ANAPC10: variants seen among roughly 807,000 people sequenced by gnomAD.
ANAPC10 encodes anaphase-promoting complex subunit 10.
Under a neutral mutation model 22.0 loss-of-function variants are expected in ANAPC10, and 12 were observed. That is an observed-to-expected ratio of 0.55 (90% CI 0.35 to 0.88). The LOEUF is 0.88. Ranked by LOEUF, ANAPC10 falls within the 40% of genes least tolerant of loss-of-function variation. ANAPC10 has a pLI of 0.01. For synonymous variants in ANAPC10, 65 were observed against 69.5 expected (o/e 0.94, Z 0.32); for missense variants, 188 against 220.9 (o/e 0.85, Z 0.94).
At chr4:145,051,773 G>A (rs563658788) in intron 4 of ANAPC10, among the ~76,000 whole-genome samples, 8 of 152,172 alleles carry the variant, frequency 5.3e-5, no homozygotes, top group African/African-American at 1.9e-4. Flanking sequence ...ATATGGATTG[G>A]CCAGATTCAC....
At chr4:145,031,387 G>A (rs1475920510) in intron 4 of ANAPC10, among the ~76,000 whole-genome samples, 3 of 152,208 alleles carry the variant, frequency 2.0e-5, no homozygotes, top group Non-Finnish European at 4.4e-5. Context: ...ATTTCTAGGG[G>A]TCCAGTTGTG....
chr4:145,055,082 C>T (rs1316430467), intron 4 of ANAPC10, among the ~76,000 whole-genome samples: 2 of 152,078 alleles, frequency 1.3e-5, no homozygotes, highest in Non-Finnish European at 2.9e-5. Context: ...AGAAATCCAA[C>T]ATCTGCATAT....
intron 4 of ANAPC10, among the ~76,000 whole-genome samples, chr4:145,026,752 A>AG (rs35625004): frequency 0.99 from 148,961 of 150,808 alleles, 73,592 homozygotes; most frequent in East Asian, 1. Flanking sequence ...GAGGCAGTGA[A>AG]GAAGTACAAG....
At chr4:145,025,012 T>C (rs1489737853) in intron 4 of ANAPC10, among the ~76,000 whole-genome samples, 1 of 152,204 alleles carries the variant, frequency 6.6e-6, no homozygotes, top group South Asian at 2.1e-4. Flanking sequence ...CTGGGCTCTT[T>C]TATGTTATGA....
At chr4:145,040,715 G>A (rs983363242) in intron 4 of ANAPC10, among the ~76,000 whole-genome samples, 2 of 152,040 alleles carry the variant, frequency 1.3e-5, no homozygotes, top group Admixed American at 6.6e-5. Flanking sequence ...GAACATCACC[G>A]AAGTAATAAC....
chr4:145,022,365 C>T (rs369864520), intron 4 of ANAPC10, among the ~76,000 whole-genome samples: 33 of 152,148 alleles, frequency 2.2e-4, no homozygotes, highest in African/African-American at 6.5e-4. Context: ...GCATTCGCAG[C>T]GACCTGGATG....
intron 4 of ANAPC10, among the ~76,000 whole-genome samples, chr4:145,009,991 AC>A (rs1240471885): frequency 6.6e-6 from 1 of 151,978 alleles, no homozygotes; most frequent in African/African-American, 2.4e-5. Flanking sequence ...AATCAAACAA[AC>A]CCATCAAAAA....
At chr4:145,088,304 A>T (rs1747185252) in intron 2 of ANAPC10, among the ~76,000 whole-genome samples, 1 of 152,194 alleles carries the variant, frequency 6.6e-6, no homozygotes, top group African/African-American at 2.4e-5. Flanking sequence ...TCATTGGCAC[A>T]CTGATGACCT....
At chr4:145,052,663 G>A (rs1482384833) in intron 4 of ANAPC10, among the ~76,000 whole-genome samples, 1 of 152,050 alleles carries the variant, frequency 6.6e-6, no homozygotes, top group African/African-American at 2.4e-5. Context: ...ATTTTGCGAG[G>A]CTCAGGCGGG....
At chr4:145,000,465 C>A (rs550012596) in intron 4 of ANAPC10, among the ~76,000 whole-genome samples, 1 of 152,172 alleles carries the variant, frequency 6.6e-6, no homozygotes, top group East Asian at 1.9e-4. Flanking sequence ...CATCACTGGT[C>A]ATCAGAGAAA....
intron 4 of ANAPC10, among the ~76,000 whole-genome samples, chr4:145,049,701 T>C (rs1236172572): frequency 6.6e-6 from 1 of 152,124 alleles, no homozygotes; most frequent in East Asian, 1.9e-4. Flanking sequence ...CACCTCAGCC[T>C]CCCAAGTAGA....
chr4:145,046,605 A>T (rs758083557), intron 4 of ANAPC10, among the ~76,000 whole-genome samples: 2 of 152,118 alleles, frequency 1.3e-5, no homozygotes, highest in African/African-American at 4.8e-5. Flanking sequence ...CTTGCTTTAC[A>T]TATGCCACAA....
chr4:145,041,132 T>C (rs776379399), intron 4 of ANAPC10, among the ~76,000 whole-genome samples: 15 of 152,208 alleles, frequency 9.9e-5, no homozygotes, highest in African/African-American at 3.6e-4. Context: ...ATTTTACTTA[T>C]AGAAGTATAA....
chr4:145,082,152 ATAT>A (rs1189158880), intron 2 of ANAPC10, among the ~76,000 whole-genome samples: 33 of 152,044 alleles, frequency 2.2e-4, no homozygotes, highest in Non-Finnish European at 2.9e-5. Flanking sequence ...CTTCTAGGAG[ATAT>A]TATATTTTTT....
At chr4:145,034,597 C>A (rs1738216792) in intron 4 of ANAPC10, among the ~76,000 whole-genome samples, 1 of 139,544 alleles carries the variant, frequency 7.2e-6, no homozygotes, top group Non-Finnish European at 1.5e-5. Flanking sequence ...CATACATATC[C>A]TATATATATT....
At position 145,046,448 on chromosome 4, in the gene ANAPC10, A is replaced by T. The variant is rs192154548; in HGVS notation, c.327+18124T>A. Among the ~76,000 whole-genome samples the T allele has an allele frequency of 3.9e-5, 6 of 152,270 alleles. No individual in the cohort carries two copies. The East Asian group carries it at 1.2e-3, about 29-fold the overall frequency. ...AATTCCATAAGCACAAACAATTTCA[A>T]GAACAGAGAACAAAATCAAAGGAAG... is the stretch of plus-strand genomic sequence containing the variant. On this transcript the variant is annotated intron_variant, in intron 4 of 4. Coordinates refer to ENST00000507656, the MANE Select transcript of ANAPC10 (RefSeq NM_001256706.2).
chr4:145,059,497 T>TG (rs1742564130), intron 4 of ANAPC10, among the ~76,000 whole-genome samples: 1 of 152,134 alleles, frequency 6.6e-6, no homozygotes, highest in Non-Finnish European at 1.5e-5. Flanking sequence ...AAGCACTCGA[T>TG]CTTGTGCTCT....
intron 4 of ANAPC10, among the ~76,000 whole-genome samples, chr4:145,029,200 C>T (rs1412900822): frequency 6.6e-6 from 1 of 152,082 alleles, no homozygotes; most frequent in Non-Finnish European, 1.5e-5. Context: ...AGAGCTTCAC[C>T]ATCCCCAGTA....
chr4:145,073,063 T>G (rs1425218763), intron 3 of ANAPC10, among the ~76,000 whole-genome samples: 1 of 152,174 alleles, frequency 6.6e-6, no homozygotes, highest in Non-Finnish European at 1.5e-5. Flanking sequence ...CAGGTAATTT[T>G]TTAAGTTTTT....
Sources: allele counts gnomAD v4.1 joint callset (sites outside exome capture counted in the v4.1 genomes callset), GRCh38; gene constraint gnomAD v4.1.1; transcripts MANE v1.5; gene names NCBI Gene and HGNC (gene_info 2026-07-23, HGNC 2026-07-21).